RPS6KC1: variants seen among roughly 807,000 people sequenced by gnomAD.
RPS6KC1 encodes the protein ribosomal protein S6 kinase C1, also known as inactive ribosomal protein S6 kinase delta-1.
RPS6KC1 carries 54 observed loss-of-function variants against 103.8 expected under a neutral mutation model. That is an observed-to-expected ratio of 0.52 (90% CI 0.42 to 0.65). The LOEUF (loss-of-function observed/expected upper bound fraction) is 0.65. Among genes scored for constraint, RPS6KC1 ranks in the 30% least tolerant of loss-of-function variants. The pLI is 0.00. For missense variants in RPS6KC1, 1,151 were observed against 1,253.8 expected (o/e 0.92, Z 1.24); for synonymous variants, 439 against 438.7 (o/e 1.00, Z -0.01).
At chr1:213,693,420 A>G in the RPS6KC1 span, among the ~76,000 whole-genome samples, 1 of 152,238 alleles carries the variant, frequency 6.6e-6, no homozygotes, top group African/African-American at 2.4e-5. Context: ...AATTTGGACT[A>G]CAAGCTCCTT....
chr1:213,846,423 T>C, the RPS6KC1 span, among the ~76,000 whole-genome samples: 4 of 152,182 alleles, frequency 2.6e-5, no homozygotes, highest in Non-Finnish European at 5.9e-5. Context: ...TCACCACTCC[T>C]GTGTGGGTCC....
At chr1:213,334,509 C>T in the RPS6KC1 span, among the ~76,000 whole-genome samples, 1 of 152,156 alleles carries the variant, frequency 6.6e-6, no homozygotes, top group Non-Finnish European at 1.5e-5. Flanking sequence ...CCAAAACACC[C>T]GCAGTCATTC....
At chr1:213,163,247 C>A (rs925761351) in intron 6 of RPS6KC1, among the ~76,000 whole-genome samples, 1 of 152,050 alleles carries the variant, frequency 6.6e-6, no homozygotes, top group African/African-American at 2.4e-5. Context: ...AAACTCAAAC[C>A]GAGTTTGATT....
At chr1:213,664,650 G>A in the RPS6KC1 span, among the ~76,000 whole-genome samples, 2 of 152,128 alleles carry the variant, frequency 1.3e-5, no homozygotes, top group African/African-American at 2.4e-5. Context: ...ATAGGCCATA[G>A]GTTGCTGTCC....
the RPS6KC1 span, among the ~76,000 whole-genome samples, chr1:213,816,889 G>A: frequency 6.6e-6 from 1 of 152,180 alleles, no homozygotes; most frequent in Non-Finnish European, 1.5e-5. Flanking sequence ...GTTGAAATGG[G>A]GAACCCTTGC....
intron 3 of RPS6KC1, among the ~76,000 whole-genome samples, chr1:213,083,971 C>G (rs1172068630): frequency 6.6e-6 from 1 of 152,142 alleles, no homozygotes; most frequent in East Asian, 1.9e-4. Flanking sequence ...TGAGAACACT[C>G]AGGCAGCCTG....
intron 4 of RPS6KC1, among the ~76,000 whole-genome samples, chr1:213,111,097 G>GACGT (rs1243383873): frequency 6.6e-6 from 1 of 151,892 alleles, no homozygotes; most frequent in Non-Finnish European, 1.5e-5. Flanking sequence ...GAACATCACA[G>GACGT]ACGTCCATAG....
the RPS6KC1 span, among the ~76,000 whole-genome samples, chr1:213,405,019 A>T: frequency 6.6e-6 from 1 of 152,216 alleles, no homozygotes; most frequent in Non-Finnish European, 1.5e-5. Context: ...GCGTAACCCA[A>T]TCCCTCTTTC....
intron 6 of RPS6KC1, among the ~76,000 whole-genome samples, chr1:213,165,287 G>A (rs2090858263): frequency 2.6e-5 from 4 of 152,144 alleles, no homozygotes; most frequent in Admixed American, 2.0e-4. Context: ...CTGGAGTGCA[G>A]TGGCATGATC....
chr1:213,266,528 A>G (rs1419996802), intron 14 of RPS6KC1, among the ~76,000 whole-genome samples: 1 of 152,164 alleles, frequency 6.6e-6, no homozygotes, highest in Non-Finnish European at 1.5e-5. Flanking sequence ...ATGAAGTTAG[A>G]CAGATTTGGT....
At chr1:213,236,425 C>A (rs1418439867) in intron 10 of RPS6KC1, among the ~76,000 whole-genome samples, 3 of 152,132 alleles carry the variant, frequency 2.0e-5, no homozygotes, top group African/African-American at 7.2e-5. Context: ...GAAGGAAAAT[C>A]AAGGATTCCA....
the RPS6KC1 span, among the ~76,000 whole-genome samples, chr1:213,523,916 C>T: frequency 4.6e-5 from 7 of 152,060 alleles, no homozygotes; most frequent in South Asian, 2.1e-4. Context: ...TAAGACTGAG[C>T]GAGGCAGACA....
chr1:213,064,876 C>T (rs543013886), intron 1 of RPS6KC1, among the ~76,000 whole-genome samples: 6 of 148,796 alleles, frequency 4.0e-5, no homozygotes, highest in East Asian at 2.0e-4. Flanking sequence ...AGGGTTTCAC[C>T]GTGTTAGCCA....
At chr1:213,542,069 C>T in the RPS6KC1 span, among the ~76,000 whole-genome samples, 8 of 152,130 alleles carry the variant, frequency 5.3e-5, no homozygotes, top group East Asian at 1.2e-3. Flanking sequence ...AATACATTTC[C>T]GTTGAGAATG....
chr1:213,141,612 C>T (rs1430667575), intron 6 of RPS6KC1, among the ~76,000 whole-genome samples: 1 of 151,790 alleles, frequency 6.6e-6, no homozygotes, highest in Non-Finnish European at 1.5e-5. Context: ...TGGTTTTTCT[C>T]ATCTCCATTT....
the RPS6KC1 span, among the ~76,000 whole-genome samples, chr1:213,434,064 C>G: frequency 2.2e-5 from 3 of 138,626 alleles, no homozygotes; most frequent in Non-Finnish European, 4.6e-5. Context: ...TTTTTTTTTA[C>G]TGTGTATTAG....
At chr1:213,499,831 A>T in the RPS6KC1 span, among the ~76,000 whole-genome samples, 1 of 152,254 alleles carries the variant, frequency 6.6e-6, no homozygotes, top group Non-Finnish European at 1.5e-5. Context: ...TAACACAATG[A>T]AAAGTATTTG....
At chr1:213,555,951 T>G in the RPS6KC1 span, among the ~76,000 whole-genome samples, 1 of 152,250 alleles carries the variant, frequency 6.6e-6, no homozygotes, top group Non-Finnish European at 1.5e-5. Context: ...TGAGACTCCA[T>G]GTCTTCAGTC....
In RPS6KC1 at chr1:213,272,842, CAT is replaced by C. The variant is rs1189961224; in HGVS notation, c.*214_*215del. The stretch of plus-strand genomic sequence containing the variant: ...TAATTGTGCCAGGGGCTGTTATATA[CAT>C]ATATACACAACCAAGGTGTGATCTG... On this transcript the variant is annotated 3_prime_UTR_variant, in exon 15 of 15. Coordinates refer to ENST00000366960, the MANE Select transcript of RPS6KC1 (RefSeq NM_012424.6). 2.4e-6 allele frequency: 1 copy of C among 422,906 alleles called. No homozygotes were observed. Among genetic ancestry groups the C allele is most frequent in the Non-Finnish European group, 4.4e-6 (1 of 226,846 alleles). 26.2% of individuals were successfully genotyped at this position (422,906 alleles called of 1,614,324 possible).
Sources: gnomAD v4.1 joint callset for allele counts (sites outside exome capture counted in the v4.1 genomes callset) on GRCh38, gnomAD v4.1.1 for gene constraint, MANE v1.5 for transcripts, NCBI Gene and HGNC (gene_info 2026-07-23, HGNC 2026-07-21) for gene names.